Variants in STAG2 observed in about 807,000 individuals in gnomAD.
STAG2 encodes cohesin subunit SA-2.
STAG2 carries 14 observed loss-of-function variants against 108.1 expected under a neutral mutation model. The observed-to-expected ratio is 0.13, with a 90% CI of 0.09 to 0.20. The LOEUF is 0.20. STAG2 is among the 10% of genes least tolerant of loss of function. The pLI is 1.00. For missense variants in STAG2, 440 were observed against 940.9 expected (o/e 0.47, Z 6.96); for synonymous variants, 307 against 302.7 (o/e 1.01, Z -0.15).
At chrX:123,990,057 C>T in intron 1 of STAG2, among the ~76,000 whole-genome samples, 1 of 111,780 alleles carries the variant, frequency 8.9e-6, no homozygotes, top group Middle Eastern at 4.6e-3. Flanking sequence ...GGACAAAACA[C>T]ACATCAAAGC....
chrX:124,054,134 G>A (rs6608141), intron 13 of STAG2, among the ~76,000 whole-genome samples: 19,807 of 111,764 alleles, frequency 0.18, 1,362 homozygotes, highest in East Asian at 0.38. Flanking sequence ...AAACTTGACA[G>A]TATCTGTCAG....
At chrX:124,072,130 G>A (rs2058678593) in intron 25 of STAG2, among the ~76,000 whole-genome samples, 1 of 111,053 alleles carries the variant, frequency 9.0e-6, no homozygotes, top group Non-Finnish European at 1.9e-5. Context: ...TCCCCCTTTA[G>A]CCTCCTGAGT....
intron 1 of STAG2, among the ~76,000 whole-genome samples, chrX:123,965,405 A>G (rs1456776762): frequency 8.9e-6 from 1 of 111,795 alleles, no homozygotes; most frequent in East Asian, 2.8e-4. Flanking sequence ...ATCAAATTCT[A>G]CATTTCTTTT....
Position 124,061,743 on chromosome X carries a change from C to CTTTTTTTTTTT in STAG2, c.1535-13_1535-3dup, listed in dbSNP as rs36097834. 13 of 474,390 alleles carry CTTTTTTTTTTT rather than the reference C, an allele frequency of 2.7e-5. No homozygotes were observed. In the African/African-American group the frequency reaches 2.8e-4, roughly 10 times the overall value. 39.1% of individuals were successfully genotyped at this position (474,390 alleles called of 1,213,427 possible). The stretch of plus-strand genomic sequence containing the variant: ...GAAGAAATAAGCTAACTCTTTCTGA[C>CTTTTTTTTTTT]TTTTTTTTTTTTTTTTTTTTTTTTT... On this transcript the variant is annotated intron_variant, in intron 16 of 34. Coordinates refer to ENST00000371145, the MANE Select transcript of STAG2 (RefSeq NM_001042750.2).
intron 1 of STAG2, among the ~76,000 whole-genome samples, chrX:123,997,869 A>G (rs1309634517): frequency 9.0e-6 from 1 of 111,412 alleles, no homozygotes; most frequent in African/African-American, 3.3e-5. Context: ...TCTAACTCCT[A>G]ATCTCAGGTG....
Position 124,075,656 on chromosome X carries a change from C to CT in STAG2, c.2534-666dup, listed in dbSNP as rs368605388. On this transcript the variant is annotated intron_variant, in intron 25 of 34. Transcript: ENST00000371145. ...CAGAGGGAAAAATTTTTGTATGCAG[C>CT]TTTTTTTTTTAATATAAAAAGCTTC... 7.5e-3 allele frequency among the ~76,000 whole-genome samples: 791 copies of CT among 105,695 alleles called. 7 individuals are homozygous for CT. The highest frequency in any genetic ancestry group is 0.018 in the African/African-American group (531 of 29,253). 91.8% of individuals were successfully genotyped at this position (105,695 alleles called of 115,157 possible).
At chrX:124,026,136 A>ATAG (rs2057091998) in intron 4 of STAG2, among the ~76,000 whole-genome samples, 1 of 71,782 alleles carries the variant, frequency 1.4e-5, no homozygotes, top group Non-Finnish European at 2.7e-5. Context: ...GCAAATAATA[A>ATAG]TAATAATAAT....
chrX:124,034,875 G>GTTATTATTA (rs763637231), intron 5 of STAG2, among the ~76,000 whole-genome samples: 61 of 99,870 alleles, frequency 6.1e-4, no homozygotes, highest in African/African-American at 1.1e-3. Context: ...TGTTGTTGTT[G>GTTATTATTA]TTGTTATTAT....
At position 124,045,244 on chromosome X, in the gene STAG2, G is replaced by A; in HGVS notation, c.543G>A (p.Val181=). The stretch of plus-strand genomic sequence containing the variant: ...CCAGTTTTTGTGAATTCATTGGCGT[G>A]TTAGTACGGCAATGTCAATATAGTA... ...FKSSFCEFIG[V]LVRQCQYSII... is the part of the protein sequence containing the mutation. Residue 181 remains valine (V), a synonymous_variant, in exon 8 of 35, where the codon GTG becomes GTA. Transcript: ENST00000371145. 1 of 1,209,898 alleles carries A rather than the reference G, an allele frequency of 8.3e-7. No homozygotes were observed. The highest frequency in any genetic ancestry group is 1.7e-5 in the African/African-American group (1 of 57,677).
rs1165817548 is a variant in STAG2 at position 124,100,605 on chromosome X, A to G, written c.*8A>G. The G allele has an allele frequency of 2.5e-6, 3 of 1,181,987 alleles. No individual in the cohort carries two copies. In the African/African-American group the frequency reaches 5.3e-5, roughly 21 times the overall value. ...GGAGTGTCAATGTTTTAATACCAGT[A>G]CACAATTAAATCTGTGGTGAAGTCA... On this transcript the variant is annotated 3_prime_UTR_variant, in exon 35 of 35. Transcript: ENST00000371145.
chrX:123,990,627 G>T (rs2055407870), intron 1 of STAG2, among the ~76,000 whole-genome samples: 1 of 111,841 alleles, frequency 8.9e-6, no homozygotes, highest in African/African-American at 3.3e-5. Context: ...GGTAGCTAAT[G>T]AAACAAAAAT....
intron 1 of STAG2, among the ~76,000 whole-genome samples, chrX:123,989,752 C>T (rs779753985): frequency 8.3e-5 from 9 of 108,561 alleles, no homozygotes; most frequent in African/African-American, 1.7e-4. Flanking sequence ...TACAGGCGCC[C>T]GCCACCATGC....
At chrX:123,972,873 A>C (rs1207057364) in intron 1 of STAG2, among the ~76,000 whole-genome samples, 1 of 95,731 alleles carries the variant, frequency 1.0e-5, no homozygotes, top group Admixed American at 1.2e-4. Context: ...ATACAAAAAA[A>C]AAAAAAAAAA....
chrX:124,002,011 G>T (rs1055417759), intron 1 of STAG2, among the ~76,000 whole-genome samples: 3 of 111,952 alleles, frequency 2.7e-5, no homozygotes, highest in African/African-American at 9.7e-5. Context: ...ATCGCTTGAG[G>T]CTAGGAGTTT....
At chrX:124,029,981 A>C (rs1007788247) in intron 4 of STAG2, among the ~76,000 whole-genome samples, 1 of 110,200 alleles carries the variant, frequency 9.1e-6, no homozygotes, top group Non-Finnish European at 1.9e-5. Flanking sequence ...CCCCCCACCA[A>C]TACTGACAAC....
intron 7 of STAG2, 102 bp from the exon 8 acceptor site, chrX:124,045,062 T>G: frequency 2.8e-6 from 2 of 711,278 alleles, no homozygotes; most frequent in South Asian, 5.1e-5. Context: ...AAAGGTGAGA[T>G]AAAGATACCT....
intron 13 of STAG2, among the ~76,000 whole-genome samples, chrX:124,054,842 G>A (rs1467584648): frequency 8.1e-5 from 9 of 111,119 alleles, no homozygotes; most frequent in African/African-American, 1.3e-4. Context: ...CTCCAGCCTC[G>A]CCCTCCCAGG....
intron 5 of STAG2, among the ~76,000 whole-genome samples, chrX:124,035,178 G>A (rs2057479561): frequency 9.0e-6 from 1 of 111,144 alleles, no homozygotes; most frequent in African/African-American, 3.3e-5. Context: ...GTTTAAAACT[G>A]GTTGTTATGT....
chrX:124,029,795 G>T lies in STAG2; in HGVS notation c.124-1166G>T, dbSNP rs183164098. Among the ~76,000 whole-genome samples the T allele has an allele frequency of 6.7e-3, 745 of 111,485 alleles. 7 individuals are homozygous for T. Among genetic ancestry groups the T allele is most frequent in the African/African-American group, 0.023 (700 of 30,653 alleles). On this transcript the variant is annotated intron_variant, in intron 4 of 34. Transcript: ENST00000371145. ...AAGAAATCATCAAATCCAGGGGTCG[G>T]AATACCTTTCTGTAAAGTATTTTAA...
Sources: gnomAD v4.1 joint callset for allele counts (sites outside exome capture counted in the v4.1 genomes callset) on GRCh38, gnomAD v4.1.1 for gene constraint, MANE v1.5 for transcripts, NCBI Gene and HGNC (gene_info 2026-07-23, HGNC 2026-07-21) for gene names.